CPED1: variants seen among roughly 807,000 people sequenced by gnomAD.
CPED1 encodes the protein cadherin-like and PC-esterase domain-containing protein 1.
CPED1 carries 114 observed loss-of-function variants against 128.2 expected under a neutral mutation model. That is an observed-to-expected ratio of 0.89 (90% confidence interval 0.76 to 1.04). The LOEUF (loss-of-function observed/expected upper bound fraction) is 1.04, where lower values mean the gene tolerates loss of function less well. Among genes scored for constraint, CPED1 ranks in the 50% least tolerant of loss-of-function variants. The probability of loss-of-function intolerance (pLI) is 0.00; values close to 1 mark genes in which losing one functional copy is unlikely to be tolerated. For synonymous variants in CPED1, 462 were observed against 426.7 expected (o/e 1.08, Z -1.02); for missense variants, 1,211 against 1,207.1 (o/e 1.00, Z -0.05).
intron 5 of CPED1, among the ~76,000 whole-genome samples, chr7:121,086,275 C>G (rs1794424909): frequency 6.6e-6 from 1 of 151,776 alleles, no homozygotes; most frequent in Non-Finnish European, 1.5e-5. Context: ...TAAATTTTTC[C>G]AATTACGTGA....
intron 16 of CPED1, among the ~76,000 whole-genome samples, chr7:121,171,400 G>T (rs917551448): frequency 6.6e-6 from 1 of 152,172 alleles, no homozygotes. Context: ...TGTCCAATTA[G>T]CTAGTAAATT....
rs12538552 is a variant in CPED1 at position 121,040,174 on chromosome 7, T to A, written c.434-6713T>A. Among the ~76,000 whole-genome samples the A allele has an allele frequency of 3.8e-3, 579 of 152,172 alleles. 4 individuals carry two copies. The highest frequency in any genetic ancestry group is 0.013 in the African/African-American group (542 of 41,562). On this transcript the variant is annotated intron_variant, in intron 3 of 22. Transcript: ENST00000310396. ...AACACCCATGACCAGCCACTTGAGG[T>A]GAAGAGACCAGATTTATTTAGATTT...
intron 22 of CPED1, among the ~76,000 whole-genome samples, chr7:121,285,061 T>C (rs953755207): frequency 9.2e-5 from 14 of 152,148 alleles, no homozygotes; most frequent in African/African-American, 3.4e-4. Context: ...TCCTCTGAAA[T>C]CTAGGTGGAG....
At chr7:121,092,140 T>C (rs544414067) in intron 5 of CPED1, among the ~76,000 whole-genome samples, 1 of 152,318 alleles carries the variant, frequency 6.6e-6, no homozygotes, top group South Asian at 2.1e-4. Flanking sequence ...ATAGTTAATC[T>C]ATGAGCTGTG....
chr7:121,101,674 GAACCAGC>G lies in CPED1; in HGVS notation c.918+1582_918+1588del, dbSNP rs200887620. Among the ~76,000 whole-genome samples, 963 of 152,164 alleles carry G rather than the reference GAACCAGC, an allele frequency of 6.3e-3. 9 individuals are homozygous for G. Among genetic ancestry groups the G allele is most frequent in the African/African-American group, 0.02 (844 of 41,522 alleles). ...TGGTTCTGCAGGCTGTACAAGTATG[GAACCAGC>G]ATCTGCTTGGCTTCTGGTGAGGCCT... On this transcript the variant is annotated intron_variant, in intron 7 of 22. Transcript: ENST00000310396.
intron 2 of CPED1, among the ~76,000 whole-genome samples, chr7:121,000,242 G>A (rs143634157): frequency 3.3e-5 from 5 of 152,038 alleles, no homozygotes; most frequent in Admixed American, 6.5e-5. Context: ...TAGGATTTAC[G>A]TTCTGTGGCA....
At chr7:121,207,686 T>G (rs1380713480) in intron 16 of CPED1, among the ~76,000 whole-genome samples, 1 of 152,070 alleles carries the variant, frequency 6.6e-6, no homozygotes, top group African/African-American at 2.4e-5. Context: ...CAGATGCTAT[T>G]GTCTGTGTAC....
intron 22 of CPED1, among the ~76,000 whole-genome samples, chr7:121,279,372 A>G (rs1431136699): frequency 6.6e-6 from 1 of 152,124 alleles, no homozygotes; most frequent in Non-Finnish European, 1.5e-5. Flanking sequence ...CAGATTGACC[A>G]CAAGCATTTA....
At chr7:121,052,994 C>T (rs1457387135) in intron 4 of CPED1, among the ~76,000 whole-genome samples, 1 of 152,122 alleles carries the variant, frequency 6.6e-6, no homozygotes, top group Non-Finnish European at 1.5e-5. Context: ...GCTGGGATTA[C>T]AGAGGTGAGC....
chr7:121,200,190 G>A (rs1050574205), intron 16 of CPED1, among the ~76,000 whole-genome samples: 1 of 151,914 alleles, frequency 6.6e-6, no homozygotes, highest in Non-Finnish European at 1.5e-5. Flanking sequence ...AATCAATTAG[G>A]GCAATGTTTC....
At chr7:121,095,585 G>A (rs1794679291) in intron 5 of CPED1, among the ~76,000 whole-genome samples, 1 of 151,542 alleles carries the variant, frequency 6.6e-6, no homozygotes, top group South Asian at 2.1e-4. Context: ...TAAAAATAAA[G>A]GTAACATTAT....
intron 13 of CPED1, among the ~76,000 whole-genome samples, chr7:121,134,960 C>A (rs566196734): frequency 6.6e-6 from 1 of 151,854 alleles, no homozygotes; most frequent in Admixed American, 6.6e-5. Flanking sequence ...AAATAGAGTT[C>A]ATTACTATTG....
chr7:121,098,813 T>TAATATATA (rs1563024943), intron 6 of CPED1, among the ~76,000 whole-genome samples: 1 of 140,968 alleles, frequency 7.1e-6, no homozygotes, highest in African/African-American at 2.7e-5. Flanking sequence ...AATATATAAA[T>TAATATATA]AATATATATA....
intron 7 of CPED1, among the ~76,000 whole-genome samples, chr7:121,117,252 C>T (rs1479639528): frequency 6.6e-6 from 1 of 151,108 alleles, no homozygotes; most frequent in African/African-American, 2.4e-5. Context: ...AGATGAGTAC[C>T]ACCATGCCGG....
chr7:121,011,650 C>A (rs1175257837), intron 2 of CPED1, among the ~76,000 whole-genome samples: 2 of 152,092 alleles, frequency 1.3e-5, no homozygotes, highest in African/African-American at 4.8e-5. Context: ...ATTTAGCTTC[C>A]ATCCTGGTAT....
chr7:121,010,328 T>A (rs1011325775), intron 2 of CPED1, among the ~76,000 whole-genome samples: 1 of 152,184 alleles, frequency 6.6e-6, no homozygotes, highest in African/African-American at 2.4e-5. Context: ...CTCAGCTCAT[T>A]GCACCCTCCA....
At chr7:120,992,277 A>T (rs914271810) in intron 2 of CPED1, among the ~76,000 whole-genome samples, 9 of 152,124 alleles carry the variant, frequency 5.9e-5, no homozygotes, top group Non-Finnish European at 1.3e-4. Flanking sequence ...GGATTTTGTT[A>T]TTACTTTTAT....
At chr7:121,063,269 AAATG>A (rs1263275482) in intron 4 of CPED1, among the ~76,000 whole-genome samples, 2 of 151,290 alleles carry the variant, frequency 1.3e-5, no homozygotes, top group Non-Finnish European at 1.5e-5. Flanking sequence ...CAAGCACTTT[AAATG>A]AATCAGTTTT....
At chr7:121,269,268 T>C (rs543842665) in intron 21 of CPED1, among the ~76,000 whole-genome samples, 2 of 152,190 alleles carry the variant, frequency 1.3e-5, no homozygotes, top group South Asian at 4.1e-4. Flanking sequence ...TGATTTTCTG[T>C]TCCTGCATTA....
Sources: allele counts gnomAD v4.1 joint callset (sites outside exome capture counted in the v4.1 genomes callset), GRCh38; gene constraint gnomAD v4.1.1; transcripts MANE v1.5; gene names NCBI Gene and HGNC (gene_info 2026-07-23, HGNC 2026-07-21).